MTSS1: variants seen among roughly 807,000 people sequenced by gnomAD.
MTSS1 encodes MTSS I-BAR domain containing 1.
A neutral mutation model predicts 79.0 loss-of-function variants in MTSS1; 18 were observed. That is an observed-to-expected ratio of 0.23 (90% CI 0.16 to 0.34). MTSS1 has a LOEUF of 0.34. MTSS1 is among the 10% of genes least tolerant of loss of function. MTSS1 has a pLI of 1.00. For missense variants in MTSS1, 815 were observed against 986.2 expected, an observed-to-expected ratio of 0.83 and a Z score of 2.33; for synonymous variants, 341 against 368.6, an observed-to-expected ratio of 0.93 and a Z score of 0.86.
chr8:124,654,952 G>A (rs542743570), intron 3 of MTSS1, among the ~76,000 whole-genome samples: 5 of 152,182 alleles, frequency 3.3e-5, no homozygotes, highest in Admixed American at 2.0e-4. Flanking sequence ...TTCCAATGCC[G>A]AAACTTCTAA....
intron 3 of MTSS1, among the ~76,000 whole-genome samples, chr8:124,646,576 A>T (rs932336351): frequency 2.0e-5 from 3 of 152,188 alleles, no homozygotes; most frequent in Admixed American, 6.5e-5. Context: ...AGAAACTTAA[A>T]CTATTACTGA....
chr8:124,653,265 G>T (rs1386051738), intron 3 of MTSS1, among the ~76,000 whole-genome samples: 2 of 152,218 alleles, frequency 1.3e-5, no homozygotes, highest in Non-Finnish European at 2.9e-5. Context: ...GACAGTACAG[G>T]AAGTCATCAG....
chr8:124,704,278 G>T, intron 1 of MTSS1, 87 bp from the exon 2 acceptor site: 1 of 1,150,840 alleles, frequency 8.7e-7, no homozygotes. Flanking sequence ...CAATCATGCA[G>T]GGAACAATCT....
chr8:124,557,712 A>G lies in MTSS1; in HGVS notation c.1199T>C (p.Met400Thr). The change falls in exon 11 of 14, where the codon ATG becomes ACG. Residue 400 changes from methionine (M) to threonine (T), a missense_variant. Transcript: ENST00000518547. ...YAHYYTIGPG[M>T]FPSSQIPSWK... ...GCTAGGGATCTGAGATGACGGGAAC[A>G]TGCCGGGCCCAATGGTGTAATAATG... is the stretch of plus-strand genomic sequence containing the variant. The G allele has an allele frequency of 6.3e-7, 1 of 1,592,358 alleles. No homozygotes were observed. Among genetic ancestry groups the G allele is most frequent in the Non-Finnish European group, 8.6e-7 (1 of 1,169,336 alleles).
intron 3 of MTSS1, among the ~76,000 whole-genome samples, chr8:124,677,201 T>A (rs1170781230): frequency 6.6e-6 from 1 of 152,200 alleles, no homozygotes; most frequent in Non-Finnish European, 1.5e-5. Context: ...AAATTTTTTT[T>A]AAGATTAATC....
At chr8:124,674,161 C>T (rs981939364) in intron 3 of MTSS1, among the ~76,000 whole-genome samples, 9 of 152,088 alleles carry the variant, frequency 5.9e-5, no homozygotes, top group Non-Finnish European at 1.3e-4. Context: ...GATGGAGCCT[C>T]ACTCGGTCGC....
chr8:124,555,943 G>C lies in MTSS1; in HGVS notation c.1405-39C>G, dbSNP rs750586784. The C allele has an allele frequency of 4.5e-4, 325 of 721,652 alleles. 2 individuals are homozygous for C. Among genetic ancestry groups the C allele is most frequent in the South Asian group, 2.5e-3 (103 of 40,732 alleles). 44.7% of individuals were successfully genotyped at this position (721,652 alleles called of 1,614,324 possible). A position where few individuals can be genotyped will look rare whatever the true frequency, so the allele number is the denominator to read the frequency against. ...GAGAGAAATACACAGGTTGCTTTAG[G>C]GGGGGGGCTCAACAGCACTCCTGTT... is the stretch of plus-strand genomic sequence containing the variant. On this transcript the variant is annotated intron_variant, in intron 12 of 13. Coordinates refer to ENST00000518547, the MANE Select transcript of MTSS1 (RefSeq NM_014751.6).
At chr8:124,684,996 G>C (rs1457923076) in intron 3 of MTSS1, among the ~76,000 whole-genome samples, 2 of 152,150 alleles carry the variant, frequency 1.3e-5, no homozygotes, top group Non-Finnish European at 2.9e-5. Flanking sequence ...TGGGGACAGG[G>C]AGTAACTGCT....
At chr8:124,682,470 A>C (rs1197462920) in intron 3 of MTSS1, among the ~76,000 whole-genome samples, 2 of 152,238 alleles carry the variant, frequency 1.3e-5, no homozygotes, top group East Asian at 3.8e-4. Context: ...GAGGGGCGGC[A>C]CAGAGACAGG....
intron 3 of MTSS1, among the ~76,000 whole-genome samples, chr8:124,648,653 C>T (rs1819399289): frequency 6.6e-6 from 1 of 152,088 alleles, no homozygotes; most frequent in African/African-American, 2.4e-5. Flanking sequence ...CAGCCGTTTC[C>T]CTACTCTCTC....
At chr8:124,602,186 T>TACATATATATATATATATATACACACAC (rs1563835596) in intron 3 of MTSS1, among the ~76,000 whole-genome samples, 1 of 135,678 alleles carries the variant, frequency 7.4e-6, no homozygotes, top group South Asian at 2.3e-4. Context: ...CTCATATATA[T>TACATATATATATATATATATACACACAC]ACATATATAT....
At chr8:124,596,542 C>T (rs1437113313) in intron 3 of MTSS1, among the ~76,000 whole-genome samples, 1 of 152,164 alleles carries the variant, frequency 6.6e-6, no homozygotes, top group African/African-American at 2.4e-5. Flanking sequence ...ACTGCTGAGG[C>T]CCAGCACCAT....
chr8:124,727,984 A>T lies in MTSS1; in HGVS notation c.-29T>A. ...CCCGGCTCCGGCAGGGCGAGGGCAC[A>T]CACGCGGGGCCGCTGGACTGCGCGC... On this transcript the variant is annotated 5_prime_UTR_variant, in exon 1 of 14. Coordinates refer to ENST00000518547, the MANE Select transcript of MTSS1 (RefSeq NM_014751.6). The surrounding 1 kb of genome is among the most constrained non-coding windows in gnomAD (Gnocchi z 4.7). 6.2e-7 allele frequency: 1 copy of T among 1,602,124 alleles called. No homozygotes were observed. Among genetic ancestry groups the T allele is most frequent in the Non-Finnish European group, 8.5e-7 (1 of 1,173,734 alleles).
chr8:124,566,182 C>A (rs1826383972), intron 8 of MTSS1: 1 of 156,774 alleles, frequency 6.4e-6, no homozygotes, highest in Non-Finnish European at 1.4e-5. Context: ...GTGGTCATTT[C>A]TGCCCTATTT....
intron 3 of MTSS1, among the ~76,000 whole-genome samples, chr8:124,681,763 C>T (rs1826167369): frequency 6.6e-6 from 1 of 152,054 alleles, no homozygotes; most frequent in African/African-American, 2.4e-5. Flanking sequence ...ACTCCAGCCT[C>T]AGTGACAAGA....
At chr8:124,658,469 G>A (rs774399083) in intron 3 of MTSS1, among the ~76,000 whole-genome samples, 9 of 152,008 alleles carry the variant, frequency 5.9e-5, no homozygotes, top group Non-Finnish European at 8.8e-5. Flanking sequence ...ACCCAATCTC[G>A]GGTATGTCTT....
At chr8:124,563,054 A>G in intron 9 of MTSS1, 62 bp from the exon 10 acceptor site, 1 of 1,417,958 alleles carries the variant, frequency 7.1e-7, no homozygotes, top group Non-Finnish European at 9.7e-7. Flanking sequence ...GAGCAGTGGT[A>G]AGAGGAAGGA....
At chr8:124,716,231 AC>A (rs1304538732) in intron 1 of MTSS1, among the ~76,000 whole-genome samples, 1 of 152,186 alleles carries the variant, frequency 6.6e-6, no homozygotes, top group Non-Finnish European at 1.5e-5. Context: ...GCAATGCCTC[AC>A]CTCGGTCTCA....
chr8:124,601,863 A>G (rs1833879831), intron 3 of MTSS1, among the ~76,000 whole-genome samples: 1 of 152,204 alleles, frequency 6.6e-6, no homozygotes. Flanking sequence ...TCGCACTGGC[A>G]TGTTTCAGGA....
Sources: allele counts gnomAD v4.1 joint callset (sites outside exome capture counted in the v4.1 genomes callset), GRCh38; gene constraint gnomAD v4.1.1; non-coding constraint Gnocchi (gnomAD v3.1); transcripts MANE v1.5; gene names NCBI Gene and HGNC (gene_info 2026-07-23, HGNC 2026-07-21).